CLPX: variants seen among roughly 807,000 people sequenced by gnomAD.
CLPX encodes the protein caseinolytic mitochondrial matrix peptidase chaperone subunit X, also known as ATP-dependent clpX-like chaperone, mitochondrial.
In CLPX, 34 loss-of-function variants were observed where a neutral mutation model predicts 76.4. That is an observed-to-expected ratio of 0.45 (90% CI 0.34 to 0.59). The LOEUF (loss-of-function observed/expected upper bound fraction) is 0.59, where lower values mean the gene tolerates loss of function less well. CLPX is among the 20% of genes least tolerant of loss of function. CLPX has a pLI of 0.01. For synonymous variants in CLPX, 248 were observed against 270.9 expected, an observed-to-expected ratio of 0.92 and a Z score of 0.83; for missense variants, 613 against 757.0, an observed-to-expected ratio of 0.81 and a Z score of 2.23.
At chr15:65,172,377 A>C (rs1420150647) in intron 3 of CLPX, among the ~76,000 whole-genome samples, 1 of 152,130 alleles carries the variant, frequency 6.6e-6, no homozygotes, top group Non-Finnish European at 1.5e-5. Context: ...TTTACATAAA[A>C]TGTTGTTGGT....
Position 65,150,499 on chromosome 15 carries a change from T to C in CLPX, c.*324A>G, listed in dbSNP as rs2087705317. 1 of 188,058 alleles carries C rather than the reference T, an allele frequency of 5.3e-6. No individual in the cohort carries two copies. Among genetic ancestry groups the C allele is most frequent in the African/African-American group, 2.3e-5 (1 of 42,932 alleles). The allele number at this position is 188,058 out of a possible 1,614,324, so 11.6% of individuals were successfully genotyped here. A position where few individuals can be genotyped will look rare whatever the true frequency, so the allele number is the denominator to read the frequency against. ...TCCCATTTGTAGAGTAACATTATTGTAAAATCTACAGTTATCGCAATACCT... is the reference window on the plus strand; with the variant it reads ...TCCCATTTGTAGAGTAACATTATTGCAAAATCTACAGTTATCGCAATACCT... On this transcript the variant is annotated 3_prime_UTR_variant, in exon 14 of 14. Coordinates refer to ENST00000300107, the MANE Select transcript of CLPX (RefSeq NM_006660.5).
intron 4 of CLPX, among the ~76,000 whole-genome samples, chr15:65,166,291 TG>T (rs2087911613): frequency 6.6e-6 from 1 of 152,068 alleles, no homozygotes; most frequent in African/African-American, 2.4e-5. Flanking sequence ...CCTAGGCTGG[TG>T]TTATTTAAGG....
intron 13 of CLPX, among the ~76,000 whole-genome samples, 158 bp from the exon 14 acceptor site, chr15:65,151,071 A>T (rs1207225151): frequency 6.6e-6 from 1 of 152,164 alleles, no homozygotes; most frequent in East Asian, 1.9e-4. Flanking sequence ...TAGGCCGGAC[A>T]CAGTGGCTCA....
chr15:65,160,729 T>C (rs1031083462), intron 6 of CLPX, among the ~76,000 whole-genome samples: 2 of 152,150 alleles, frequency 1.3e-5, no homozygotes, highest in Non-Finnish European at 2.9e-5. Context: ...AATCTATGTA[T>C]TTAACTTATT....
Position 65,185,162 on chromosome 15 carries a change from G to A in CLPX, c.-9C>T, listed in dbSNP as rs1430251537. On this transcript the variant is annotated 5_prime_UTR_variant, in exon 1 of 14. Coordinates refer to ENST00000300107, the MANE Select transcript of CLPX (RefSeq NM_006660.5). ...GCACCGCAGCTGGGCATCTCCGCGAGGCCTAGGCCGGGGCTTCGCCCCCTG... is the reference window on the plus strand; with the variant it reads ...GCACCGCAGCTGGGCATCTCCGCGAAGCCTAGGCCGGGGCTTCGCCCCCTG... 7.7e-6 allele frequency: 12 copies of A among 1,557,970 alleles called. No homozygotes were observed. Among genetic ancestry groups the A allele is most frequent in the East Asian group, 4.7e-5 (2 of 42,174 alleles).
intron 6 of CLPX, 107 bp downstream of exon 6, chr15:65,162,497 T>C (rs2140624999): frequency 1.4e-6 from 1 of 690,342 alleles, no homozygotes. Flanking sequence ...TTCTTGGTAA[T>C]ACACAAGCAA....
At chr15:65,158,036 G>T in intron 7 of CLPX, 126 bp from the exon 8 acceptor site, 2 of 748,364 alleles carry the variant, frequency 2.7e-6, no homozygotes, top group African/African-American at 1.8e-5. Flanking sequence ...TCCTTCCTCT[G>T]CTATTATTTT....
At chr15:65,183,354 G>A (rs1249055025) in intron 1 of CLPX, among the ~76,000 whole-genome samples, 3 of 149,738 alleles carry the variant, frequency 2.0e-5, no homozygotes, top group Non-Finnish European at 3.0e-5. Context: ...CCAGCTACTC[G>A]GGAGGCTGAG....
intron 13 of CLPX, among the ~76,000 whole-genome samples, chr15:65,151,701 G>T (rs1336117453): frequency 6.6e-6 from 1 of 152,052 alleles, no homozygotes; most frequent in Admixed American, 6.6e-5. Flanking sequence ...AAAAATAAAA[G>T]ATTATATCTC....
rs141331448 is a variant in CLPX at position 65,175,314 on chromosome 15, C to T, written c.358+3620G>A. 3.2e-3 allele frequency among the ~76,000 whole-genome samples: 486 copies of T among 152,224 alleles called. 3 individuals are homozygous for T. Among genetic ancestry groups the T allele is most frequent in the African/African-American group, 0.011 (473 of 41,528 alleles). On this transcript the variant is annotated intron_variant, in intron 3 of 13. Transcript: ENST00000300107. ...CAGCCTGGCCAACAAGGTGAAACCCCGTCTCTACTAAAAATACAAAAATTA... is the reference window on the plus strand; with the variant it reads ...CAGCCTGGCCAACAAGGTGAAACCCTGTCTCTACTAAAAATACAAAAATTA...
rs1241717851 is a variant in CLPX at position 65,173,304 on chromosome 15, T to C, written c.358+5630A>G. ...ATTGCTTGAATCTGGGAGGTGGAGGTTGCAGTGAGCCGAGATAGTGCCACC... is the reference window on the plus strand; with the variant it reads ...ATTGCTTGAATCTGGGAGGTGGAGGCTGCAGTGAGCCGAGATAGTGCCACC... On this transcript the variant is annotated intron_variant, in intron 3 of 13. Coordinates refer to ENST00000300107, the MANE Select transcript of CLPX (RefSeq NM_006660.5). Among the ~76,000 whole-genome samples, 4 of 146,208 alleles carry C rather than the reference T, an allele frequency of 2.7e-5. No homozygotes were observed. The South Asian group carries it at 8.6e-4, about 32-fold the overall frequency.
At chr15:65,165,476 C>T (rs1360226217) in intron 4 of CLPX, among the ~76,000 whole-genome samples, 5 of 149,042 alleles carry the variant, frequency 3.4e-5, no homozygotes, top group Admixed American at 2.0e-4. Context: ...CTCCGCCTCC[C>T]GGGTTCACGC....
At chr15:65,178,148 C>T (rs1280718446) in intron 3 of CLPX, among the ~76,000 whole-genome samples, 2 of 152,028 alleles carry the variant, frequency 1.3e-5, no homozygotes, top group African/African-American at 2.4e-5. Flanking sequence ...AGATGCTTCC[C>T]GGAATTGAGG....
chr15:65,178,347 CAAGT>C (rs1264937698), intron 3 of CLPX, among the ~76,000 whole-genome samples: 3 of 152,138 alleles, frequency 2.0e-5, no homozygotes. Flanking sequence ...GAAATAAACA[CAAGT>C]AAGCAAAATA....
At chr15:65,161,383 G>A (rs1241939647) in intron 6 of CLPX, among the ~76,000 whole-genome samples, 1 of 152,104 alleles carries the variant, frequency 6.6e-6, no homozygotes, top group Non-Finnish European at 1.5e-5. Context: ...CAGTGTTAGG[G>A]TCTAACACCC....
chr15:65,179,530 CAA>C (rs1228178784), intron 2 of CLPX, among the ~76,000 whole-genome samples: 2 of 152,082 alleles, frequency 1.3e-5, no homozygotes, highest in Non-Finnish European at 2.9e-5. Context: ...AAAATTAACT[CAA>C]GTGTTAGTCA....
At chr15:65,185,036 CG>C (rs1595950720) in intron 1 of CLPX, 38 bp downstream of exon 1, 2 of 1,510,840 alleles carry the variant, frequency 1.3e-6, no homozygotes, top group African/African-American at 1.4e-5. Context: ...ACCCCCCCCC[CG>C]ACAGGCTGAG....
At chr15:65,178,060 C>A (rs899126389) in intron 3 of CLPX, among the ~76,000 whole-genome samples, 4 of 152,182 alleles carry the variant, frequency 2.6e-5, no homozygotes, top group African/African-American at 7.2e-5. Flanking sequence ...TCTGAAAGTG[C>A]TGGGATTACA....
chr15:65,158,219 G>C (rs959387363), intron 7 of CLPX: 1 of 307,896 alleles, frequency 3.2e-6, no homozygotes, highest in Non-Finnish European at 5.9e-6. Context: ...ATAGAGTCTT[G>C]CTCTGTTGCC....
Sources: allele counts gnomAD v4.1 joint callset (sites outside exome capture counted in the v4.1 genomes callset), GRCh38; gene constraint gnomAD v4.1.1; transcripts MANE v1.5; gene names NCBI Gene and HGNC (gene_info 2026-07-23, HGNC 2026-07-21).